Variants in SORCS1 observed in about 807,000 individuals in gnomAD.
The protein encoded by SORCS1 is VPS10 domain-containing receptor SorCS1.
Under a neutral mutation model 146.1 loss-of-function variants are expected in SORCS1, and 60 were observed. The ratio of observed to expected loss-of-function variants is 0.41; its 90% CI spans 0.33 to 0.51. The LOEUF (loss-of-function observed/expected upper bound fraction) is 0.51. Ranked by LOEUF, SORCS1 falls within the 20% of genes least tolerant of loss-of-function variation. SORCS1 has a pLI of 0.21. For missense variants in SORCS1, 1,352 were observed against 1,487.6 expected (o/e 0.91, Z 1.50); for synonymous variants, 637 against 584.0 (o/e 1.09, Z -1.31).
intron 2 of SORCS1, among the ~76,000 whole-genome samples, chr10:106,899,375 G>A (rs1241175663): frequency 1.3e-5 from 2 of 152,164 alleles, no homozygotes; most frequent in Non-Finnish European, 2.9e-5. Context: ...CCTAAAGAAA[G>A]ATAAATAAGC....
Position 107,164,082 on chromosome 10 carries a change from T to G in SORCS1, c.445A>C (p.Lys149Gln), listed in dbSNP as rs1969915753. The G allele has an allele frequency of 6.2e-7, 1 of 1,613,820 alleles. No individual in the cohort carries two copies. The highest frequency in any genetic ancestry group is 1.3e-5 in the African/African-American group (1 of 74,910). ...EPGTRERDPDKATRFRMEELR... is the reference protein window; with the variant it reads ...EPGTRERDPDQATRFRMEELR... ...TCCTCCATCCGGAAGCGGGTGGCTT[T>G]GTCCGGGTCCCGCTCCCGAGTCCCA... Residue 149 changes from lysine to glutamine, a missense_variant, in exon 1 of 26, where the codon AAA becomes CAA. Coordinates refer to ENST00000263054, the MANE Select transcript of SORCS1 (RefSeq NM_052918.5). The surrounding 1 kb of genome is among the most constrained non-coding windows in gnomAD (Gnocchi z 6.8).
At chr10:106,869,407 C>T (rs935557384) in intron 2 of SORCS1, among the ~76,000 whole-genome samples, 2 of 152,084 alleles carry the variant, frequency 1.3e-5, no homozygotes, top group Non-Finnish European at 2.9e-5. Context: ...AAATTTTAGG[C>T]CAATATCTTC....
intron 4 of SORCS1, among the ~76,000 whole-genome samples, chr10:106,772,072 A>G (rs1860061040): frequency 6.6e-6 from 1 of 152,182 alleles, no homozygotes; most frequent in Non-Finnish European, 1.5e-5. Context: ...TTATCTGGGT[A>G]TATCTGTAAG....
Position 106,620,550 on chromosome 10 carries a change from G to A in SORCS1, c.2674C>T (p.His892Tyr). Residue 892 changes from histidine to tyrosine, a missense_variant, in exon 20 of 26, where the codon CAC becomes TAC. By Grantham distance (83) the His-to-Tyr change is moderately conservative. Coordinates refer to ENST00000263054, the MANE Select transcript of SORCS1 (RefSeq NM_052918.5). Reference sequence around the variant, plus strand: ...ACAAAGGGAAGAGACAGGTGCACGTGCTCCAAGGGACCTGAGGCACAAGAG... The same window carrying A: ...ACAAAGGGAAGAGACAGGTGCACGTACTCCAAGGGACCTGAGGCACAAGAG... ...LYLHVTCPLE[H>Y]VHLSLPFVTT... The A allele has an allele frequency of 1.9e-6, 3 of 1,613,826 alleles. No individual in the cohort carries two copies. The highest frequency in any genetic ancestry group is 1.7e-5 in the Admixed American group (1 of 60,002).
chr10:106,738,289 A>T (rs1857110597), intron 5 of SORCS1, among the ~76,000 whole-genome samples: 1 of 152,250 alleles, frequency 6.6e-6, no homozygotes, highest in African/African-American at 2.4e-5. Context: ...ACTATTAATA[A>T]AAAGAAAATA....
chr10:107,124,018 C>T (rs557182511), intron 1 of SORCS1, among the ~76,000 whole-genome samples: 156 of 149,682 alleles, frequency 1.0e-3, no homozygotes, highest in African/African-American at 2.2e-3. Context: ...ACCTGGGAGG[C>T]GGAGCTTGCA....
intron 1 of SORCS1, among the ~76,000 whole-genome samples, chr10:106,988,264 A>AT (rs1956578024): frequency 6.6e-6 from 1 of 152,346 alleles, no homozygotes; most frequent in Admixed American, 6.5e-5. Context: ...TCCAAGTTCT[A>AT]AAACGTTGGT....
At chr10:107,138,924 C>A (rs536654916) in intron 1 of SORCS1, among the ~76,000 whole-genome samples, 1 of 152,162 alleles carries the variant, frequency 6.6e-6, no homozygotes, top group Non-Finnish European at 1.5e-5. Flanking sequence ...AAACATATTC[C>A]TTTCCTAGAC....
chr10:107,151,695 A>G (rs1435568310), intron 1 of SORCS1, among the ~76,000 whole-genome samples: 2 of 152,102 alleles, frequency 1.3e-5, no homozygotes, highest in Non-Finnish European at 2.9e-5. Context: ...ACACAGCCAA[A>G]CCATATCATT....
intron 1 of SORCS1, among the ~76,000 whole-genome samples, chr10:106,989,131 G>A (rs921050681): frequency 6.0e-5 from 9 of 150,762 alleles, no homozygotes; most frequent in African/African-American, 2.0e-4. Context: ...TTAGCTGGTC[G>A]TGGTGGTGGG....
chr10:106,956,430 G>C, intron 2 of SORCS1, 83 bp downstream of exon 2: 1 of 1,284,964 alleles, frequency 7.8e-7, no homozygotes, highest in Admixed American at 1.8e-5. Context: ...GAACCTTCCT[G>C]CCAGGAAAAA....
chr10:106,579,584 T>C (rs191572502), intron 24 of SORCS1, 110 bp from the exon 25 acceptor site: 7 of 1,098,748 alleles, frequency 6.4e-6, no homozygotes, highest in South Asian at 2.9e-5. Context: ...TGGAAAACCA[T>C]GTGGGATATA....
chr10:106,928,515 C>T (rs1452590654), intron 2 of SORCS1, among the ~76,000 whole-genome samples: 1 of 152,238 alleles, frequency 6.6e-6, no homozygotes. Context: ...CCAGCTCTGG[C>T]CTTGGCCAGC....
intron 8 of SORCS1, among the ~76,000 whole-genome samples, chr10:106,699,753 T>A (rs1853991398): frequency 1.3e-5 from 2 of 152,112 alleles, no homozygotes; most frequent in Admixed American, 1.3e-4. Context: ...AAGGCATATA[T>A]GGGGTAGATA....
At chr10:107,058,512 AT>A (rs1347524679) in intron 1 of SORCS1, among the ~76,000 whole-genome samples, 1 of 152,212 alleles carries the variant, frequency 6.6e-6, no homozygotes, top group African/African-American at 2.4e-5. Flanking sequence ...ATTTTCTTCG[AT>A]GATTCAGAAG....
rs73376995 is a variant in SORCS1, at chr10:106,919,660, C to A, written c.626+36853G>T. On this transcript the variant is annotated intron_variant, in intron 2 of 25. Transcript: ENST00000263054. ...CCTAACGGTACTACATAGTAAATGT[C>A]ATGAAACTACTCAAAAGCATTGGAT... Among the ~76,000 whole-genome samples, 1,398 of 152,264 alleles carry A rather than the reference C, an allele frequency of 9.2e-3. 24 individuals carry two copies. Among genetic ancestry groups the A allele is most frequent in the African/African-American group, 0.032 (1,325 of 41,538 alleles).
intron 2 of SORCS1, among the ~76,000 whole-genome samples, chr10:106,856,058 G>A (rs1015432071): frequency 1.3e-4 from 19 of 148,622 alleles, no homozygotes; most frequent in East Asian, 2.0e-4. Flanking sequence ...ACAGAGTCTC[G>A]CTCTGTCACC....
At chr10:107,174,897 G>A in the SORCS1 span, among the ~76,000 whole-genome samples, 114 of 152,264 alleles carry the variant, frequency 7.5e-4, 2 homozygotes, top group East Asian at 0.02. Context: ...TGTGAAGTAT[G>A]CTGTTTACTG....
intron 15 of SORCS1, 142 bp downstream of exon 15, chr10:106,672,726 T>G: frequency 1.5e-6 from 1 of 674,628 alleles, no homozygotes; most frequent in Non-Finnish European, 2.6e-6. Context: ...TGTTCACTGC[T>G]GTGGAACACA....
Sources: allele counts gnomAD v4.1 joint callset (sites outside exome capture counted in the v4.1 genomes callset), GRCh38; gene constraint gnomAD v4.1.1; non-coding constraint Gnocchi (gnomAD v3.1); transcripts MANE v1.5; gene names NCBI Gene and HGNC (gene_info 2026-07-23, HGNC 2026-07-21).